ASAH1: variants seen among roughly 807,000 people sequenced by gnomAD.
ASAH1 encodes N-acylsphingosine amidohydrolase 1.
Under a neutral mutation model 59.5 loss-of-function variants are expected in ASAH1, and 70 were observed. That is an observed-to-expected ratio of 1.18 (90% CI 0.97 to 1.43). The LOEUF is 1.43. Among genes scored for constraint, ASAH1 ranks in the 40% most tolerant of loss-of-function variants. The pLI, the probability that ASAH1 is intolerant of heterozygous loss-of-function variation, is 0.00. For missense variants in ASAH1, 660 were observed against 482.5 expected (o/e 1.37, Z -3.45); for synonymous variants, 213 against 166.5 (o/e 1.28, Z -2.15).
In ASAH1 at chr8:18,062,259, T is replaced by C. The variant is rs374289481; in HGVS notation, c.648+20A>G. The C allele has an allele frequency of 1.2e-5, 20 of 1,614,030 alleles. No individual in the cohort carries two copies. Among genetic ancestry groups the C allele is most frequent in the Admixed American group, 1.2e-4 (7 of 60,012 alleles). ...GGACAGAAGGCTACCTGTATAATTA[T>C]GTAACAACAGACTCCTTACTGGTTT... On this transcript the variant is annotated intron_variant, in intron 8 of 13. Transcript: ENST00000637790.
intron 5 of ASAH1, 107 bp downstream of exon 5, chr8:18,067,113 T>TATATCTAAGACATACAGCACCTGTGCTGA: frequency 3.9e-6 from 2 of 513,140 alleles, no homozygotes; most frequent in Non-Finnish European, 5.4e-6. Flanking sequence ...ACCTGTGCTG[T>TATATCTAAGACATACAGCACCTGTGCTGA]ATATCTAAGA....
chr8:18,071,675 C>G lies in ASAH1; in HGVS notation c.126-285G>C, dbSNP rs564275566. Among the ~76,000 whole-genome samples the G allele has an allele frequency of 2.6e-5, 4 of 151,432 alleles. No individual in the cohort carries two copies. In the East Asian group the frequency reaches 7.8e-4, roughly 29 times the overall value. On this transcript the variant is annotated intron_variant, in intron 2 of 13. Coordinates refer to ENST00000637790, the MANE Select transcript of ASAH1 (RefSeq NM_177924.5). Reference sequence around the variant, plus strand: ...TCAACTATGGCTTAAGAGCTCTAACCTGATTATCACTGACGGGAAATACCT... The same window carrying G: ...TCAACTATGGCTTAAGAGCTCTAACGTGATTATCACTGACGGGAAATACCT...
chr8:18,062,878 T>G (rs1799765707), intron 7 of ASAH1: 1 of 333,972 alleles, frequency 3.0e-6, no homozygotes, highest in Admixed American at 4.6e-5. Context: ...CTTTTTTTTT[T>G]TTTTTTTTTT....
At chr8:18,079,376 C>T (rs982532260) in intron 1 of ASAH1, among the ~76,000 whole-genome samples, 2 of 151,878 alleles carry the variant, frequency 1.3e-5, no homozygotes, top group East Asian at 3.9e-4. Context: ...AAACTTAAGC[C>T]TCTTTGAATG....
At chr8:18,079,826 A>C (rs953044694) in intron 1 of ASAH1, among the ~76,000 whole-genome samples, 1 of 152,238 alleles carries the variant, frequency 6.6e-6, no homozygotes, top group Non-Finnish European at 1.5e-5. Context: ...AGAAACACTG[A>C]ATACAAAGAG....
At chr8:18,082,278 A>C (rs1054423021) in intron 1 of ASAH1, among the ~76,000 whole-genome samples, 38 of 152,300 alleles carry the variant, frequency 2.5e-4, no homozygotes, top group African/African-American at 8.9e-4. Context: ...TTGCTAGAAT[A>C]AATAAAGCTA....
At chr8:18,075,418 G>A in intron 2 of ASAH1, 123 bp downstream of exon 2, 5 of 1,060,014 alleles carry the variant, frequency 4.7e-6, no homozygotes, top group Non-Finnish European at 7.4e-6. Context: ...ACAAACCTCT[G>A]TCTCGGAATG....
At chr8:18,084,473 C>A, upstream of ASAH1, 1 of 1,304,816 alleles carries the variant, frequency 7.7e-7, no homozygotes, top group Non-Finnish European at 1.0e-6. Flanking sequence ...CAGGCGTCCT[C>A]GGTACCCACG....
chr8:18,084,223 G>C, upstream of ASAH1: 3 of 1,495,824 alleles, frequency 2.0e-6, no homozygotes, highest in Non-Finnish European at 2.7e-6. Context: ...GGGAGGAGAG[G>C]ACGGGGCTTT....
rs1296311409 is a variant in ASAH1, at chr8:18,067,135, T to G, written c.382+85A>C. 4.1e-6 allele frequency: 5 copies of G among 1,209,882 alleles called. 1 individual carries two copies. The highest frequency in any genetic ancestry group is 5.8e-6 in the Non-Finnish European group (5 of 857,824). 74.9% of individuals were successfully genotyped at this position (1,209,882 alleles called of 1,614,324 possible). A position where few individuals can be genotyped will look rare whatever the true frequency, so the allele number is the denominator to read the frequency against. On this transcript the variant is annotated intron_variant, in intron 5 of 13. Transcript: ENST00000637790. The stretch of plus-strand genomic sequence containing the variant: ...CTGTATATCTAAGACATACAGCACC[T>G]GTGCTGTATGTATATCACACCTCAA...
At chr8:18,082,748 C>T (rs921856973) in intron 1 of ASAH1, 6 of 152,114 alleles carry the variant, frequency 3.9e-5, no homozygotes, top group African/African-American at 1.4e-4. Flanking sequence ...TCTCCTTTGC[C>T]TCAAAGAACA....
chr8:18,057,275 G>C lies in ASAH1; in HGVS notation c.*259C>G. 2.9e-6 allele frequency: 1 copy of C among 346,358 alleles called. No homozygotes were observed. Among genetic ancestry groups the C allele is most frequent in the Non-Finnish European group, 5.7e-6 (1 of 176,210 alleles). 21.5% of individuals were successfully genotyped at this position (346,358 alleles called of 1,614,324 possible). A position where few individuals can be genotyped will look rare whatever the true frequency, so the allele number is the denominator to read the frequency against. ...GCCCACCAGATCCCCAAATGTCAAAGTGAAACAAAACTCAGTGAATTCTAG... is the reference window on the plus strand; with the variant it reads ...GCCCACCAGATCCCCAAATGTCAAACTGAAACAAAACTCAGTGAATTCTAG... On this transcript the variant is annotated 3_prime_UTR_variant, in exon 14 of 14. Coordinates refer to ENST00000637790, the MANE Select transcript of ASAH1 (RefSeq NM_177924.5).
intron 1 of ASAH1, chr8:18,076,534 A>G (rs1213715255): frequency 1.3e-5 from 2 of 151,330 alleles, no homozygotes; most frequent in Non-Finnish European, 2.9e-5. Flanking sequence ...TTTGTTACTC[A>G]TTCAACATAT....
rs1388667857 is a variant in ASAH1 at position 18,056,435 on chromosome 8, A to C, written c.*1099T>G. 6.6e-6 allele frequency: 1 copy of C among 152,100 alleles called. No homozygotes were observed. The highest frequency in any genetic ancestry group is 2.4e-5 in the African/African-American group (1 of 41,398). 9.4% of individuals were successfully genotyped at this position (152,100 alleles called of 1,614,324 possible). ...AGATGTACACACCCAATCAGCGTGC[A>C]TGACTGCTGACTGGCACTCTTTCCA... On this transcript the variant is annotated 3_prime_UTR_variant, in exon 14 of 14. Coordinates refer to ENST00000637790, the MANE Select transcript of ASAH1 (RefSeq NM_177924.5).
intron 10 of ASAH1, 90 bp from the exon 11 acceptor site, chr8:18,059,793 G>T (rs1422414381): frequency 7.5e-7 from 1 of 1,328,502 alleles, no homozygotes; most frequent in East Asian, 2.5e-5. Context: ...TTTAAGTTCT[G>T]GGACACATGT....
chr8:18,067,057 C>A, intron 5 of ASAH1, 163 bp downstream of exon 5: 1 of 228,252 alleles, frequency 4.4e-6, no homozygotes, highest in Admixed American at 5.3e-5. Context: ...TACATGCATG[C>A]ATGCATTTCT....
chr8:18,075,697 C>A, intron 1 of ASAH1, 110 bp from the exon 2 acceptor site: 1 of 962,256 alleles, frequency 1.0e-6, no homozygotes, highest in Non-Finnish European at 1.7e-6. Flanking sequence ...TGATATTGCT[C>A]TTTTATACGT....
In ASAH1 at chr8:18,062,273, C is replaced by A. The variant is rs1356851512; in HGVS notation, c.648+6G>T. 2 of 1,614,030 alleles carry A rather than the reference C, an allele frequency of 1.2e-6. No homozygotes were observed. Among genetic ancestry groups the A allele is most frequent in the East Asian group, 4.5e-5 (2 of 44,878 alleles). ...CTGTATAATTATGTAACAACAGACT[C>A]CTTACTGGTTTGAATCCTGTTAACA... On this transcript the variant is annotated splice_donor_region_variant and intron_variant, in intron 8 of 13. Coordinates refer to ENST00000637790, the MANE Select transcript of ASAH1 (RefSeq NM_177924.5).
At chr8:18,069,755 G>A (rs1361874393) in intron 4 of ASAH1, 37 bp downstream of exon 4, 4 of 1,428,346 alleles carry the variant, frequency 2.8e-6, no homozygotes, top group African/African-American at 1.4e-5. Flanking sequence ...CATTTTCTAT[G>A]TGCTTAACAT....
Sources: gnomAD v4.1 joint callset for allele counts (sites outside exome capture counted in the v4.1 genomes callset) on GRCh38, gnomAD v4.1.1 for gene constraint, MANE v1.5 for transcripts, NCBI Gene and HGNC (gene_info 2026-07-23, HGNC 2026-07-21) for gene names.